OCA2: variants seen among roughly 807,000 people sequenced by gnomAD.
OCA2 encodes the protein P protein.
In OCA2, 77 loss-of-function variants were observed where a neutral mutation model predicts 100.2. The ratio of observed to expected loss-of-function variants is 0.77; its 90% CI spans 0.64 to 0.93. OCA2 has a LOEUF of 0.93. Ranked by LOEUF, OCA2 falls within the 40% of genes least tolerant of loss-of-function variation. The pLI is 0.00. For synonymous variants in OCA2, 432 were observed against 439.2 expected (o/e 0.98, Z 0.21); for missense variants, 1,062 against 1,089.1 (o/e 0.98, Z 0.35).
chr15:27,990,122 C>T (rs1384218120), intron 10 of OCA2, among the ~76,000 whole-genome samples: 4 of 152,162 alleles, frequency 2.6e-5, no homozygotes, highest in African/African-American at 9.7e-5. Flanking sequence ...TTCCCATGTC[C>T]CTGCCAGAGA....
At chr15:27,963,407 G>C (rs2040467864) in intron 15 of OCA2, among the ~76,000 whole-genome samples, 1 of 152,142 alleles carries the variant, frequency 6.6e-6, no homozygotes. Context: ...CTCAATAAAT[G>C]TTAAAGGATT....
the OCA2 span, among the ~76,000 whole-genome samples, chr15:27,726,344 A>AAAT: frequency 3.5e-5 from 5 of 143,216 alleles, no homozygotes; most frequent in Non-Finnish European, 6.2e-5. Context: ...AATAAATAAA[A>AAAT]ATAGTTTAGA....
the OCA2 span, among the ~76,000 whole-genome samples, chr15:27,722,780 T>TTCTCTCTCTCTCTCTCTCTC: frequency 3.3e-4 from 44 of 134,300 alleles, no homozygotes; most frequent in African/African-American, 6.7e-4. Flanking sequence ...TTTTCTTTCT[T>TTCTCTCTCTCTCTCTCTCTC]TCTCTCTCTC....
intron 23 of OCA2, among the ~76,000 whole-genome samples, chr15:27,768,086 G>C (rs180875416): frequency 0.01 from 1,581 of 152,242 alleles, 36 homozygotes; most frequent in Non-Finnish European, 9.2e-3. Context: ...GCTGTGACCT[G>C]GCGCAGGGAG....
chr15:27,741,507 G>A, the OCA2 span, among the ~76,000 whole-genome samples: 1 of 152,230 alleles, frequency 6.6e-6, no homozygotes, highest in Non-Finnish European at 1.5e-5. Flanking sequence ...CATGAGAAAG[G>A]ATGGGTCTGC....
chr15:27,918,719 T>C (rs1399509994), intron 19 of OCA2, among the ~76,000 whole-genome samples: 1 of 152,196 alleles, frequency 6.6e-6, no homozygotes, highest in Admixed American at 6.5e-5. Context: ...TCAATATGAA[T>C]AAAACCAATG....
At chr15:27,825,900 G>A (rs74005240) in intron 23 of OCA2, among the ~76,000 whole-genome samples, 4 of 152,338 alleles carry the variant, frequency 2.6e-5, no homozygotes, top group African/African-American at 9.6e-5. Context: ...GCTTCACAGT[G>A]CACTATCTGA....
At chr15:27,934,634 A>G (rs1481403839) in intron 18 of OCA2, among the ~76,000 whole-genome samples, 1 of 152,222 alleles carries the variant, frequency 6.6e-6, no homozygotes, top group Admixed American at 6.5e-5. Flanking sequence ...CTTTTCCATG[A>G]TTCTGAGAGA....
At position 27,908,645 on chromosome 15, in the gene OCA2, A is replaced by G. The variant is rs192819671; in HGVS notation, c.2079+17482T>C. Among the ~76,000 whole-genome samples, 8 of 152,208 alleles carry G rather than the reference A, an allele frequency of 5.3e-5. No homozygotes were observed. In the East Asian group the frequency reaches 1.6e-3, roughly 30 times the overall value. On this transcript the variant is annotated intron_variant, in intron 19 of 23. Transcript: ENST00000354638. Reference sequence around the variant, plus strand: ...GAATGTGGAGTCCACGTGAGTACAGATCCATGTGAGGCTTCCTTCTCGCTC... The same window carrying G: ...GAATGTGGAGTCCACGTGAGTACAGGTCCATGTGAGGCTTCCTTCTCGCTC...
chr15:27,829,426 CACTT>C lies in OCA2; in HGVS notation c.2432+15529_2432+15532del, dbSNP rs2034867305. ...CTCACCTAGAATTTGAAGCATAAGA[CACTT>C]ACTTTCTAGACTTCCTTGCACCTAA... On this transcript the variant is annotated intron_variant, in intron 23 of 23. Coordinates refer to ENST00000354638, the MANE Select transcript of OCA2 (RefSeq NM_000275.3). 2.6e-5 allele frequency among the ~76,000 whole-genome samples: 4 copies of C among 152,328 alleles called. No individual in the cohort carries two copies. In the South Asian group the frequency reaches 6.2e-4, roughly 24 times the overall value.
intron 19 of OCA2, among the ~76,000 whole-genome samples, chr15:27,925,283 ACACAT>A (rs1384161562): frequency 6.6e-6 from 1 of 152,212 alleles, no homozygotes; most frequent in African/African-American, 2.4e-5. Context: ...GCAGCAGAAT[ACACAT>A]CACAAGTAGA....
intron 23 of OCA2, among the ~76,000 whole-genome samples, chr15:27,832,259 T>A (rs937371461): frequency 2.0e-5 from 3 of 152,158 alleles, no homozygotes; most frequent in Admixed American, 6.5e-5. Flanking sequence ...CTGCACACAC[T>A]GGCCCCAAGC....
At chr15:27,855,855 C>T (rs1363252110) in intron 21 of OCA2, among the ~76,000 whole-genome samples, 1 of 152,190 alleles carries the variant, frequency 6.6e-6, no homozygotes, top group Non-Finnish European at 1.5e-5. Flanking sequence ...CAGGAATCTA[C>T]CTCTGCCTAA....
chr15:28,001,278 C>T (rs1028481756), intron 9 of OCA2, among the ~76,000 whole-genome samples: 1 of 151,990 alleles, frequency 6.6e-6, no homozygotes, highest in Non-Finnish European at 1.5e-5. Flanking sequence ...CACACACACA[C>T]ATACACACAC....
chr15:27,914,550 C>T (rs556348507), intron 19 of OCA2, among the ~76,000 whole-genome samples: 2 of 152,104 alleles, frequency 1.3e-5, no homozygotes, highest in Non-Finnish European at 2.9e-5. Flanking sequence ...AAATCAGGAG[C>T]ATTTTCAAAC....
intron 18 of OCA2, among the ~76,000 whole-genome samples, chr15:27,929,211 A>C (rs1040714018): frequency 6.6e-6 from 1 of 152,216 alleles, no homozygotes; most frequent in African/African-American, 2.4e-5. Flanking sequence ...AAAAAAATAA[A>C]AAAGAACAAG....
chr15:27,841,065 G>A (rs1489573490), intron 23 of OCA2, among the ~76,000 whole-genome samples: 2 of 152,198 alleles, frequency 1.3e-5, no homozygotes, highest in East Asian at 3.8e-4. Context: ...AAACAAGTCA[G>A]GTGTTCTTCA....
rs143755615 is a variant in OCA2, at chr15:27,804,889, G to A, written c.2432+40070C>T. Among the ~76,000 whole-genome samples, 137 of 152,316 alleles carry A rather than the reference G, an allele frequency of 9.0e-4. 1 individual carries two copies. Among genetic ancestry groups the A allele is most frequent in the African/African-American group, 3.0e-3 (123 of 41,580 alleles). On this transcript the variant is annotated intron_variant, in intron 23 of 23. Transcript: ENST00000354638. ...CACTCATTTATGCATTCTGTCAGTC[G>A]TCCGTATTTTCTCAGCACCGGGCAG...
chr15:27,774,360 G>A (rs977135909), intron 23 of OCA2, among the ~76,000 whole-genome samples: 3 of 152,334 alleles, frequency 2.0e-5, no homozygotes, highest in Admixed American at 1.3e-4. Context: ...GGCCCCCCGC[G>A]TTCTGCACTG....
Sources: allele counts gnomAD v4.1 joint callset (sites outside exome capture counted in the v4.1 genomes callset), GRCh38; gene constraint gnomAD v4.1.1; transcripts MANE v1.5; gene names NCBI Gene and HGNC (gene_info 2026-07-23, HGNC 2026-07-21).